The following DST variants were observed in gnomAD, a reference collection of about 807,000 sequenced individuals.
The protein encoded by DST is dystonin.
A neutral mutation model predicts 875.2 loss-of-function variants in DST; 253 were observed. That is an observed-to-expected ratio of 0.29 (90% CI 0.26 to 0.32). The LOEUF (loss-of-function observed/expected upper bound fraction) is 0.32, where lower values mean the gene tolerates loss of function less well. Ranked by LOEUF, DST falls within the 10% of genes least tolerant of loss-of-function variation. The pLI is 1.00. For missense variants in DST, 8,287 were observed against 9,111.6 expected (o/e 0.91, Z 3.68); for synonymous variants, 3,124 against 3,197.1 (o/e 0.98, Z 0.77).
intron 4 of DST, among the ~76,000 whole-genome samples, chr6:56,757,471 T>C (rs956863014): frequency 1.3e-5 from 2 of 152,166 alleles, no homozygotes; most frequent in African/African-American, 2.4e-5. Flanking sequence ...ATAAGGAATA[T>C]GATGTGAGCT....
chr6:56,486,204 A>C (rs970210047), intron 87 of DST, among the ~76,000 whole-genome samples: 2 of 151,882 alleles, frequency 1.3e-5, no homozygotes, highest in African/African-American at 4.8e-5. Context: ...TCTACTAAAA[A>C]TACAAAAAAT....
chr6:56,774,244 T>A (rs1341539854), intron 4 of DST, among the ~76,000 whole-genome samples: 1 of 152,162 alleles, frequency 6.6e-6, no homozygotes, highest in African/African-American at 2.4e-5. Flanking sequence ...TCAATCTACC[T>A]GACCCAAACT....
Position 56,552,276 on chromosome 6 carries a change from T to C in DST, c.16516A>G (p.Ile5506Val), listed in dbSNP as rs762641033. The C allele has an allele frequency of 8.1e-6, 13 of 1,614,008 alleles. No individual in the cohort carries two copies. In the East Asian group the frequency reaches 1.6e-4, roughly 19 times the overall value. ...TGTTCTTCGGCTTTCTGGAGCAGAATAGAAAATTCTTTCAATTTGCTGTAA... is the reference window on the plus strand; with the variant it reads ...TGTTCTTCGGCTTTCTGGAGCAGAACAGAAAATTCTTTCAATTTGCTGTAA... Reference protein sequence around the residue: ...EFYSKLKEFSILLQKAEEHEE... With the variant: ...EFYSKLKEFSVLLQKAEEHEE... The change falls in exon 61 of 104, where the codon ATT becomes GTT. Residue 5506 changes from isoleucine (I) to valine (V), a missense_variant. Ile to Val is a conservative substitution (Grantham distance 29). Coordinates refer to ENST00000680361, the MANE Select transcript of DST (RefSeq NM_001374736.1).
intron 64 of DST, 145 bp from the exon 65 acceptor site, chr6:56,530,278 G>A (rs1297972729): frequency 3.4e-6 from 2 of 588,444 alleles, no homozygotes; most frequent in Admixed American, 4.0e-5. Flanking sequence ...AACATTTAAA[G>A]AACATATTAA....
intron 3 of DST, chr6:56,871,554 G>C: frequency 9.0e-7 from 1 of 1,110,934 alleles, no homozygotes; most frequent in Non-Finnish European, 1.4e-6. Flanking sequence ...AATAAACAAA[G>C]CACCTAAGAC....
At chr6:56,600,274 C>T (rs1026903417) in intron 44 of DST, 53 bp from the exon 45 acceptor site, 5 of 1,531,984 alleles carry the variant, frequency 3.3e-6, no homozygotes, top group Non-Finnish European at 4.5e-6. Flanking sequence ...CACAAAATCG[C>T]TATTGTGATA....
Position 56,498,120 on chromosome 6 carries a change from TG to T in DST, c.19897-68del, listed in dbSNP as rs1376384991. 3.5e-6 allele frequency: 5 copies of T among 1,441,694 alleles called. No individual in the cohort carries two copies. In the Admixed American group the frequency reaches 9.9e-5, roughly 29 times the overall value. 89.3% of individuals were successfully genotyped at this position (1,441,694 alleles called of 1,614,324 possible). On this transcript the variant is annotated intron_variant, in intron 80 of 103. Coordinates refer to ENST00000680361, the MANE Select transcript of DST (RefSeq NM_001374736.1). ...ATGTTAATATCATCTTTAATGCAAT[TG>T]TTTTCCTTTCTGGTTATGAAACATC...
At chr6:56,776,944 G>A (rs941395286) in intron 4 of DST, among the ~76,000 whole-genome samples, 2 of 151,144 alleles carry the variant, frequency 1.3e-5, no homozygotes, top group Non-Finnish European at 2.9e-5. Context: ...GAGGAGACAG[G>A]CATTGTGACA....
chr6:56,598,109 G>A, intron 46 of DST, 103 bp from the exon 47 acceptor site: 3 of 1,146,864 alleles, frequency 2.6e-6, no homozygotes, highest in South Asian at 5.8e-5. Context: ...TTAGAATGAG[G>A]GTACTAAAAA....
intron 5 of DST, among the ~76,000 whole-genome samples, chr6:56,725,093 C>A (rs1288094970): frequency 6.6e-6 from 1 of 152,122 alleles, no homozygotes; most frequent in Non-Finnish European, 1.5e-5. Context: ...AAACTAAGGC[C>A]TAGAAAGGTT....
chr6:56,840,878 T>C (rs1394518087), intron 4 of DST, among the ~76,000 whole-genome samples: 1 of 152,150 alleles, frequency 6.6e-6, no homozygotes, highest in Admixed American at 6.5e-5. Flanking sequence ...CTCCACCACT[T>C]ACACTACTCA....
At chr6:56,933,360 T>C (rs1382818129) in intron 2 of DST, among the ~76,000 whole-genome samples, 1 of 152,238 alleles carries the variant, frequency 6.6e-6, no homozygotes, top group Non-Finnish European at 1.5e-5. Flanking sequence ...AACTTAACCA[T>C]GCCTTTAAGA....
rs897303461 is a variant in DST, at chr6:56,630,200, T to C, written c.4281+45A>G. The C allele has an allele frequency of 1.1e-5, 15 of 1,403,496 alleles. No individual in the cohort carries two copies. In the African/African-American group the frequency reaches 1.6e-4, roughly 15 times the overall value. The allele number at this position is 1,403,496 out of a possible 1,614,324, so 86.9% of individuals were successfully genotyped here. On this transcript the variant is annotated intron_variant, in intron 31 of 103. Transcript: ENST00000680361. The stretch of plus-strand genomic sequence containing the variant: ...GAAGATCTAAGTGCTAGAGAAATAC[T>C]TGTAGAATACGATATTTAAAAATAT...
chr6:56,715,152 G>A (rs1041481898), intron 5 of DST, among the ~76,000 whole-genome samples: 1 of 152,106 alleles, frequency 6.6e-6, no homozygotes, highest in African/African-American at 2.4e-5. Flanking sequence ...TTGAATGCCT[G>A]CCGGATCACA....
chr6:56,915,255 C>T (rs1800390612), intron 2 of DST, among the ~76,000 whole-genome samples: 1 of 152,134 alleles, frequency 6.6e-6, no homozygotes, highest in African/African-American at 2.4e-5. Flanking sequence ...TCTAAGATAA[C>T]GTCCTTCTCA....
chr6:56,553,767 G>A, intron 60 of DST, 112 bp from the exon 61 acceptor site: 1 of 1,031,362 alleles, frequency 9.7e-7, no homozygotes, highest in South Asian at 1.7e-5. Flanking sequence ...GAAAAGCAAG[G>A]GCTTTTAGCA....
chr6:56,700,232 C>T lies in DST; in HGVS notation c.955-487G>A, dbSNP rs4323308. On this transcript the variant is annotated intron_variant, in intron 8 of 103. Transcript: ENST00000680361. ...CAGTTTCATGCTGAAACAACCCCCA[C>T]TCCTCCCACCAGCCAGTTCATGGAA... Among the ~76,000 whole-genome samples, 226 of 152,292 alleles carry T rather than the reference C, an allele frequency of 1.5e-3. 5 individuals carry two copies. Among genetic ancestry groups the T allele is most frequent in the African/African-American group, 5.1e-3 (210 of 41,564 alleles).
intron 2 of DST, among the ~76,000 whole-genome samples, chr6:56,950,115 A>T (rs1187654032): frequency 6.6e-6 from 1 of 152,206 alleles, no homozygotes; most frequent in Non-Finnish European, 1.5e-5. Flanking sequence ...GACAGACAAT[A>T]CGTAGCCAGA....
At chr6:56,763,187 T>C (rs1424418662) in intron 4 of DST, among the ~76,000 whole-genome samples, 1 of 152,152 alleles carries the variant, frequency 6.6e-6, no homozygotes, top group African/African-American at 2.4e-5. Context: ...TTCTCCTTGT[T>C]TACCTCAGGG....
Sources: allele counts gnomAD v4.1 joint callset (sites outside exome capture counted in the v4.1 genomes callset), GRCh38; gene constraint gnomAD v4.1.1; transcripts MANE v1.5; gene names NCBI Gene and HGNC (gene_info 2026-07-23, HGNC 2026-07-21).